Variants in OLFM2 observed in about 807,000 individuals in gnomAD.
OLFM2 encodes olfactomedin 2.
OLFM2 carries 20 observed loss-of-function variants against 43.9 expected under a neutral mutation model. The observed-to-expected ratio is 0.46, with a 90% confidence interval of 0.32 to 0.66. OLFM2 has a LOEUF of 0.66. OLFM2 is among the 30% of genes least tolerant of loss of function. The pLI is 0.04. For synonymous variants in OLFM2, 268 were observed against 278.6 expected (o/e 0.96, Z 0.38); for missense variants, 416 against 643.6 (o/e 0.65, Z 3.83).
chr19:9,894,912 G>A (rs2046670194), intron 1 of OLFM2, among the ~76,000 whole-genome samples: 1 of 151,676 alleles, frequency 6.6e-6, no homozygotes, highest in South Asian at 2.1e-4. Flanking sequence ...CTCCTTGACC[G>A]CTCCCCCTGC....
intron 1 of OLFM2, among the ~76,000 whole-genome samples, chr19:9,927,479 T>A (rs181962373): frequency 5.3e-5 from 8 of 152,156 alleles, no homozygotes; most frequent in Admixed American, 3.3e-4. Context: ...GTTAGAATCA[T>A]GTAAAATAAG....
chr19:9,887,885 A>T (rs1278796007), intron 1 of OLFM2, among the ~76,000 whole-genome samples: 1 of 152,084 alleles, frequency 6.6e-6, no homozygotes, highest in Non-Finnish European at 1.5e-5. Context: ...ATTAAAAAAT[A>T]AGCCGGAAGT....
At position 9,860,735 on chromosome 19, in the gene OLFM2, G is replaced by A. The variant is rs201897414; in HGVS notation, c.123C>T (p.Asp41=). Reference sequence around the variant, plus strand: ...TCACGGCCGTGCAGATGCATTTCCCGTCAGGGGCCTGGGCTGAGGTGTACA... The same window carrying A: ...TCACGGCCGTGCAGATGCATTTCCCATCAGGGGCCTGGGCTGAGGTGTACA... ...WQLYTSAQAP[D]GKCICTAVIP... The change falls in exon 2 of 6, where the codon GAC becomes GAT. Residue 41 remains aspartate (D), a synonymous_variant. Transcript: ENST00000264833. 69 of 1,609,332 alleles carry A rather than the reference G, an allele frequency of 4.3e-5. No homozygotes were observed. Among genetic ancestry groups the A allele is most frequent in the South Asian group, 1.3e-4 (12 of 90,060 alleles).
chr19:9,880,744 T>A (rs1306699063), intron 1 of OLFM2, among the ~76,000 whole-genome samples: 2 of 152,156 alleles, frequency 1.3e-5, no homozygotes, highest in African/African-American at 4.8e-5. Flanking sequence ...ATTTCAGACT[T>A]CAAGCCTCTA....
chr19:9,913,846 C>T, intron 1 of OLFM2: 1 of 201,986 alleles, frequency 5.0e-6, no homozygotes, highest in Non-Finnish European at 8.8e-6. Flanking sequence ...GGCTCGGGCC[C>T]CCGCCCCCTC....
At chr19:9,894,412 T>TAATAATAATAATAATAATAATAAA (rs34379733) in intron 1 of OLFM2, among the ~76,000 whole-genome samples, 11 of 62,226 alleles carry the variant, frequency 1.8e-4, no homozygotes, top group African/African-American at 4.1e-4. Flanking sequence ...ATAATAATAA[T>TAATAATAATAATAATAATAATAAA]AAATAAATAA....
intron 1 of OLFM2, among the ~76,000 whole-genome samples, chr19:9,881,279 T>C (rs574165880): frequency 1.3e-5 from 2 of 152,296 alleles, no homozygotes; most frequent in East Asian, 1.9e-4. Context: ...TTCCAGAGAA[T>C]TGTCCTCTGG....
At chr19:9,870,017 C>T (rs749744003) in intron 1 of OLFM2, among the ~76,000 whole-genome samples, 1 of 152,138 alleles carries the variant, frequency 6.6e-6, no homozygotes, top group Non-Finnish European at 1.5e-5. Context: ...CTCAGCCTCC[C>T]AAAGTGCTAG....
intron 1 of OLFM2, among the ~76,000 whole-genome samples, chr19:9,932,454 CAAAAA>C (rs74178225): frequency 4.2e-5 from 4 of 95,910 alleles, no homozygotes; most frequent in Admixed American, 1.1e-4. Context: ...GACTCAGTCT[CAAAAA>C]AAAAAAAAAA....
chr19:9,869,856 C>G (rs1184045048), intron 1 of OLFM2, among the ~76,000 whole-genome samples: 2 of 152,246 alleles, frequency 1.3e-5, no homozygotes, highest in East Asian at 1.9e-4. Context: ...TGGCCTCAGA[C>G]AGTTCCTCCA....
intron 1 of OLFM2, among the ~76,000 whole-genome samples, chr19:9,870,765 C>T (rs1348752845): frequency 6.6e-6 from 1 of 152,180 alleles, no homozygotes; most frequent in Non-Finnish European, 1.5e-5. Flanking sequence ...ACGCGTTACC[C>T]TCCTCTCAAG....
chr19:9,929,961 C>A (rs900480979), intron 1 of OLFM2, among the ~76,000 whole-genome samples: 15 of 152,148 alleles, frequency 9.9e-5, no homozygotes, highest in Non-Finnish European at 1.5e-4. Context: ...ATCACTTGAA[C>A]CCAGGAGGCA....
chr19:9,913,419 C>T (rs2046845324), intron 1 of OLFM2: 5 of 941,198 alleles, frequency 5.3e-6, no homozygotes, highest in Non-Finnish European at 6.5e-6. Context: ...GCTGCGGCGG[C>T]GGCAGCGGCT....
At chr19:9,901,395 C>G (rs755686439) in intron 1 of OLFM2, among the ~76,000 whole-genome samples, 30 of 152,140 alleles carry the variant, frequency 2.0e-4, no homozygotes, top group Non-Finnish European at 4.0e-4. Flanking sequence ...CACTGCACTC[C>G]AGCCTGGGCG....
chr19:9,907,356 G>A (rs567629758), intron 1 of OLFM2, among the ~76,000 whole-genome samples: 15 of 152,306 alleles, frequency 9.8e-5, no homozygotes, highest in East Asian at 1.9e-4. Flanking sequence ...TTGGGAGGCC[G>A]AGGCAGGAGA....
chr19:9,914,619 T>G (rs1261562093), intron 1 of OLFM2, among the ~76,000 whole-genome samples: 118 of 133,882 alleles, frequency 8.8e-4, no homozygotes, highest in Admixed American at 1.4e-3. Context: ...TAACTTTGGG[T>G]GGGGGCGGGG....
chr19:9,893,691 T>C (rs989552448), intron 1 of OLFM2, among the ~76,000 whole-genome samples: 3 of 152,154 alleles, frequency 2.0e-5, no homozygotes, highest in African/African-American at 7.2e-5. Context: ...TTGGGGCCTC[T>C]TGGGTGAACG....
intron 1 of OLFM2, among the ~76,000 whole-genome samples, chr19:9,915,045 G>C (rs1021259911): frequency 6.6e-6 from 1 of 152,138 alleles, no homozygotes; most frequent in Non-Finnish European, 1.5e-5. Context: ...AGTGTGACCT[G>C]TAGGGATGAC....
intron 1 of OLFM2, among the ~76,000 whole-genome samples, chr19:9,919,770 C>A (rs1340741668): frequency 6.6e-6 from 1 of 151,160 alleles, no homozygotes; most frequent in South Asian, 2.1e-4. Flanking sequence ...GCATAAGCCA[C>A]CACACCTGGA....
Sources: allele counts gnomAD v4.1 joint callset (sites outside exome capture counted in the v4.1 genomes callset), GRCh38; gene constraint gnomAD v4.1.1; transcripts MANE v1.5; gene names NCBI Gene and HGNC (gene_info 2026-07-23, HGNC 2026-07-21).